The following FBXW11 variants were observed in gnomAD, a reference collection of about 807,000 sequenced individuals.
The protein encoded by FBXW11 is F-box/WD repeat-containing protein 11.
Under a neutral mutation model 77.6 loss-of-function variants are expected in FBXW11, and 19 were observed. The ratio of observed to expected loss-of-function variants is 0.24; its 90% CI spans 0.17 to 0.36. The LOEUF (loss-of-function observed/expected upper bound fraction) is 0.36, where lower values mean the gene tolerates loss of function less well. Among genes scored for constraint, FBXW11 ranks in the 10% least tolerant of loss-of-function variants. The pLI is 1.00. For synonymous variants in FBXW11, 235 were observed against 249.4 expected (o/e 0.94, Z 0.54); for missense variants, 334 against 704.2 (o/e 0.47, Z 5.95).
intron 2 of FBXW11, among the ~76,000 whole-genome samples, chr5:171,931,926 G>A (rs1762230161): frequency 7.1e-6 from 1 of 140,406 alleles, no homozygotes. Flanking sequence ...CCACAATGCA[G>A]TGCAGTGATG....
intron 7 of FBXW11, among the ~76,000 whole-genome samples, chr5:171,887,422 A>G (rs1373300408): frequency 6.6e-6 from 1 of 152,164 alleles, no homozygotes; most frequent in African/African-American, 2.4e-5. Flanking sequence ...AAAGCAGAAA[A>G]GCTTTATTTC....
At position 171,940,905 on chromosome 5, in the gene FBXW11, C is replaced by T. The variant is rs1331781441; in HGVS notation, c.147+16692G>A. Among the ~76,000 whole-genome samples the T allele has an allele frequency of 1.1e-4, 16 of 144,546 alleles. No individual in the cohort carries two copies. In the East Asian group the frequency reaches 2.2e-3, roughly 20 times the overall value. The allele number at this position is 144,546 out of a possible 152,430, so 94.8% of individuals were successfully genotyped here. A position where few individuals can be genotyped will look rare whatever the true frequency, so the allele number is the denominator to read the frequency against. On this transcript the variant is annotated intron_variant, in intron 2 of 13. Coordinates refer to ENST00000517395, the MANE Select transcript of FBXW11 (RefSeq NM_001378974.1). ...CGTCTCAAAAAAAAAAAGATACAGACGCTGACCTGAAAAGGCACCCACTGC... is the reference window on the plus strand; with the variant it reads ...CGTCTCAAAAAAAAAAAGATACAGATGCTGACCTGAAAAGGCACCCACTGC...
chr5:171,944,241 T>C (rs1762887024), intron 2 of FBXW11, among the ~76,000 whole-genome samples: 1 of 151,722 alleles, frequency 6.6e-6, no homozygotes, highest in Non-Finnish European at 1.5e-5. Flanking sequence ...ATAAATTATA[T>C]ATATAATAAT....
chr5:171,978,778 A>C (rs142224903), intron 1 of FBXW11, among the ~76,000 whole-genome samples: 1 of 152,190 alleles, frequency 6.6e-6, no homozygotes, highest in East Asian at 1.9e-4. Context: ...CTTCCGCTAC[A>C]CTCCCCCATG....
chr5:171,931,814 C>T (rs984804110), intron 2 of FBXW11, among the ~76,000 whole-genome samples: 1 of 133,434 alleles, frequency 7.5e-6, no homozygotes, highest in Non-Finnish European at 1.5e-5. Context: ...CTCTCTCTCT[C>T]CTCTCTCTCT....
At chr5:171,916,254 G>GAAA (rs34199464) in intron 2 of FBXW11, among the ~76,000 whole-genome samples, 6 of 139,720 alleles carry the variant, frequency 4.3e-5, no homozygotes, top group Non-Finnish European at 7.6e-5. Flanking sequence ...AAAAAAATGA[G>GAAA]AAAAAAAAAA....
At chr5:171,918,095 T>C (rs1761369832) in intron 2 of FBXW11, among the ~76,000 whole-genome samples, 1 of 152,116 alleles carries the variant, frequency 6.6e-6, no homozygotes, top group Non-Finnish European at 1.5e-5. Context: ...ACACCCACTT[T>C]GTTAAATACA....
Position 171,910,723 on chromosome 5 carries a change from GTCTTTT to G in FBXW11, c.279_284del (p.Glu93_Lys94del). On this transcript the variant is annotated inframe_deletion, in exon 4 of 14. Coordinates refer to ENST00000517395, the MANE Select transcript of FBXW11 (RefSeq NM_001378974.1). ...ACTGGTCAAAATATTTAATACACAA[GTCTTTT>G]TCTTTTTGATAGTTTCCTTCTGATG... 1 of 1,613,494 alleles carries G rather than the reference GTCTTTT, an allele frequency of 6.2e-7. No homozygotes were observed. Among genetic ancestry groups the G allele is most frequent in the Non-Finnish European group, 8.5e-7 (1 of 1,179,772 alleles).
intron 1 of FBXW11, among the ~76,000 whole-genome samples, chr5:171,975,862 G>A (rs1270380272): frequency 6.6e-6 from 1 of 152,194 alleles, no homozygotes; most frequent in East Asian, 1.9e-4. Context: ...GTGTCTCTTG[G>A]ATCACACAGA....
At position 172,006,557 on chromosome 5, in the gene FBXW11, C is replaced by G. The variant is rs1003128081; in HGVS notation, c.-55G>C. The G allele has an allele frequency of 7.6e-6, 11 of 1,456,194 alleles. No individual in the cohort carries two copies. Among genetic ancestry groups the G allele is most frequent in the Non-Finnish European group, 1.0e-5 (11 of 1,101,650 alleles). The allele number at this position is 1,456,194 out of a possible 1,614,324, so 90.2% of individuals were successfully genotyped here. A position where few individuals can be genotyped will look rare whatever the true frequency, so the allele number is the denominator to read the frequency against. On this transcript the variant is annotated 5_prime_UTR_variant, in exon 1 of 14. Coordinates refer to ENST00000517395, the MANE Select transcript of FBXW11 (RefSeq NM_001378974.1). Reference sequence around the variant, plus strand: ...CCCGCGCAGCAGCGAACGGCCCGGGCGGAGGAGGCGACGGCGGAGGCGGCA... The same window carrying G: ...CCCGCGCAGCAGCGAACGGCCCGGGGGGAGGAGGCGACGGCGGAGGCGGCA...
intron 4 of FBXW11, among the ~76,000 whole-genome samples, chr5:171,909,175 C>G (rs1175419495): frequency 6.6e-6 from 1 of 152,092 alleles, no homozygotes; most frequent in Non-Finnish European, 1.5e-5. Flanking sequence ...GAGTTCAGCA[C>G]AGTGGTGCAT....
At position 171,872,904 on chromosome 5, in the gene FBXW11, C is replaced by T; in HGVS notation, c.1308G>A (p.Leu436=). The change falls in exon 10 of 14, where the codon CTG becomes CTA. Residue 436 remains leucine (L), a synonymous_variant. Transcript: ENST00000517395. ...GIACLQYRDR[L]VVSGSSDNTI... ...TATTATCTGATGATCCACTAACAAC[C>T]AGGCGATCCCTGTACTGGAGACAGG... is the stretch of plus-strand genomic sequence containing the variant. The T allele has an allele frequency of 3.1e-6, 5 of 1,614,092 alleles. No individual in the cohort carries two copies. The highest frequency in any genetic ancestry group is 3.4e-6 in the Non-Finnish European group (4 of 1,179,982).
intron 1 of FBXW11, among the ~76,000 whole-genome samples, chr5:171,975,086 G>A (rs1398071642): frequency 6.6e-6 from 1 of 152,116 alleles, no homozygotes. Context: ...GAGCCACCAC[G>A]CCTGGCAATA....
At chr5:171,941,786 C>T (rs1394022445) in intron 2 of FBXW11, among the ~76,000 whole-genome samples, 1 of 150,722 alleles carries the variant, frequency 6.6e-6, no homozygotes, top group Admixed American at 6.6e-5. Flanking sequence ...ACTATGAGCT[C>T]ATATCCCCAG....
At chr5:171,945,925 T>C (rs1762985835) in intron 2 of FBXW11, among the ~76,000 whole-genome samples, 1 of 152,228 alleles carries the variant, frequency 6.6e-6, no homozygotes. Context: ...TAATTTTATG[T>C]GTCAACTTGG....
chr5:171,885,468 T>C (rs927866634), intron 7 of FBXW11, among the ~76,000 whole-genome samples: 8 of 152,354 alleles, frequency 5.3e-5, no homozygotes, highest in East Asian at 3.9e-4. Context: ...TATGATTCTC[T>C]GTATTTGCCT....
chr5:172,002,062 T>G lies in FBXW11; in HGVS notation c.45+4396A>C, dbSNP rs1766441082. On this transcript the variant is annotated intron_variant, in intron 1 of 13. Coordinates refer to ENST00000517395, the MANE Select transcript of FBXW11 (RefSeq NM_001378974.1). ...ATCACTAGGACTTAAAATGCTTTGTTTTCTATGAAGAACAAATATCACAAG... is the reference window on the plus strand; with the variant it reads ...ATCACTAGGACTTAAAATGCTTTGTGTTCTATGAAGAACAAATATCACAAG... Among the ~76,000 whole-genome samples, 3 of 152,208 alleles carry G rather than the reference T, an allele frequency of 2.0e-5. No homozygotes were observed. In the South Asian group the frequency reaches 6.2e-4, roughly 32 times the overall value.
chr5:171,878,603 A>T (rs140723652), intron 7 of FBXW11, among the ~76,000 whole-genome samples: 9,239 of 128,492 alleles, frequency 0.072, 417 homozygotes, highest in East Asian at 0.17. Context: ...AGAGAGAGAG[A>T]GTGTGTGTGT....
chr5:171,902,371 T>C (rs1188666167), intron 4 of FBXW11, among the ~76,000 whole-genome samples: 1 of 152,228 alleles, frequency 6.6e-6, no homozygotes. Flanking sequence ...CTAGTTCATG[T>C]TCATTATAGA....
Sources: allele counts gnomAD v4.1 joint callset (sites outside exome capture counted in the v4.1 genomes callset), GRCh38; gene constraint gnomAD v4.1.1; transcripts MANE v1.5; gene names NCBI Gene and HGNC (gene_info 2026-07-23, HGNC 2026-07-21).